The following FANCA variants were observed in gnomAD, a reference collection of about 807,000 sequenced individuals.
FANCA encodes Fanconi anemia group A protein.
A neutral mutation model predicts 194.3 loss-of-function variants in FANCA; 236 were observed. The observed-to-expected ratio is 1.21, with a 90% confidence interval of 1.09 to 1.35. The LOEUF is 1.35. FANCA is among the 40% of genes most tolerant of loss of function. The pLI, the probability that FANCA is intolerant of heterozygous loss-of-function variation, is 0.00. For synonymous variants in FANCA, 1,014 were observed against 715.8 expected, an observed-to-expected ratio of 1.42 and a Z score of -6.65; for missense variants, 2,628 against 1,813.9, an observed-to-expected ratio of 1.45 and a Z score of -8.15.
chr16:89,799,684 T>G, intron 8 of FANCA, 46 bp from the exon 9 acceptor site: 1 of 1,469,786 alleles, frequency 6.8e-7, no homozygotes. Context: ...TCTTCTGTAA[T>G]TTGTGTGATA....
intron 5 of FANCA, among the ~76,000 whole-genome samples, chr16:89,809,853 C>CAA (rs1288486504): frequency 7.8e-6 from 1 of 128,532 alleles, no homozygotes; most frequent in Non-Finnish European, 1.7e-5. Flanking sequence ...AACTCCATCT[C>CAA]AAAAAAAAAA....
At chr16:89,798,711 T>C in intron 10 of FANCA, 1 of 1,316,328 alleles carries the variant, frequency 7.6e-7, no homozygotes, top group Non-Finnish European at 9.8e-7. Context: ...GGCCAAGCTT[T>C]GCCTACTGGT....
rs183141281 is a variant in FANCA, at chr16:89,752,601, C to T, written c.2982-379G>A. ...AATATCATTAATCATTAGTTGGTAG[C>T]AATTACTTTTTATTCCAATATTATG... On this transcript the variant is annotated intron_variant, in intron 30 of 42. Coordinates refer to ENST00000389301, the MANE Select transcript of FANCA (RefSeq NM_000135.4). Among the ~76,000 whole-genome samples, 339 of 152,316 alleles carry T rather than the reference C, an allele frequency of 2.2e-3. 1 individual carries two copies. The highest frequency in any genetic ancestry group is 7.7e-3 in the African/African-American group (319 of 41,568).
intron 31 of FANCA, among the ~76,000 whole-genome samples, chr16:89,751,925 C>G (rs1007338593): frequency 1.3e-5 from 2 of 152,064 alleles, no homozygotes. Flanking sequence ...TGCCCGCCAC[C>G]ACGCCCGGCT....
At chr16:89,782,754 T>C (rs1260464687) in intron 17 of FANCA, 105 bp downstream of exon 17, 2 of 1,026,082 alleles carry the variant, frequency 1.9e-6, no homozygotes, top group African/African-American at 1.6e-5. Flanking sequence ...AGACCAGACA[T>C]GAGACTGGGA....
chr16:89,766,146 G>A (rs948163223), intron 27 of FANCA, among the ~76,000 whole-genome samples: 26 of 151,632 alleles, frequency 1.7e-4, no homozygotes, highest in South Asian at 2.1e-4. Context: ...ACAGGCGTGC[G>A]CCACCACGCC....
At chr16:89,807,398 G>C (rs565840021) in intron 6 of FANCA, among the ~76,000 whole-genome samples, 2 of 151,588 alleles carry the variant, frequency 1.3e-5, no homozygotes, top group Non-Finnish European at 2.9e-5. Context: ...AGGTTGCAGC[G>C]AGCCCAGATC....
intron 17 of FANCA, among the ~76,000 whole-genome samples, chr16:89,781,012 T>A (rs62052660): frequency 0.06 from 9,059 of 152,036 alleles, 417 homozygotes; most frequent in East Asian, 0.22. Flanking sequence ...AACACTTTAA[T>A]GTCACCTATA....
intron 6 of FANCA, among the ~76,000 whole-genome samples, chr16:89,808,054 T>A (rs1179423878): frequency 9.7e-6 from 1 of 103,470 alleles, no homozygotes; most frequent in Non-Finnish European, 1.9e-5. Context: ...CGAGACTCCG[T>A]CTCAAAAAAA....
intron 10 of FANCA, among the ~76,000 whole-genome samples, chr16:89,797,871 G>C (rs1291068702): frequency 6.6e-6 from 1 of 151,854 alleles, no homozygotes; most frequent in African/African-American, 2.4e-5. Flanking sequence ...CTCCAGCCTG[G>C]GCAACAAGAA....
rs372221924 is a variant in FANCA at position 89,762,059 on chromosome 16, C to T, written c.2779-37G>A. 4.2e-5 allele frequency: 63 copies of T among 1,496,612 alleles called. No individual in the cohort carries two copies. In the Middle Eastern group the frequency reaches 6.8e-4, roughly 16 times the overall value. 92.7% of individuals were successfully genotyped at this position (1,496,612 alleles called of 1,614,324 possible). On this transcript the variant is annotated intron_variant, in intron 28 of 42. Transcript: ENST00000389301. ...AGCAAGCAATTCAATACAATGAGGACAGAACACACAATCCACCGACAGGTT... is the reference window on the plus strand; with the variant it reads ...AGCAAGCAATTCAATACAATGAGGATAGAACACACAATCCACCGACAGGTT...
Position 89,779,924 on chromosome 16 carries a change from C to A in FANCA, c.1660G>T (p.Ala554Ser). ...HSQALQDVEK[A>S]IMVFEHTGNI... is the part of the protein sequence containing the mutation. ...CCCGTATGCTCAAACACCATGATGG[C>A]CTTTTCAACATCCTGAAGAGCTTGG... Residue 554 changes from alanine to serine, a missense_variant, in exon 18 of 43, where the codon GCC becomes TCC. By Grantham distance (99) the Ala-to-Ser change is moderately conservative (BLOSUM62 1). Transcript: ENST00000389301. 1 of 1,614,176 alleles carries A rather than the reference C, an allele frequency of 6.2e-7. No homozygotes were observed. The highest frequency in any genetic ancestry group is 8.5e-7 in the Non-Finnish European group (1 of 1,180,050).
intron 17 of FANCA, among the ~76,000 whole-genome samples, chr16:89,780,900 A>G (rs1318654819): frequency 6.6e-6 from 1 of 151,454 alleles, no homozygotes; most frequent in Non-Finnish European, 1.5e-5. Context: ...ACTATACTTC[A>G]GCCTGGTCAA....
Position 89,771,805 on chromosome 16 carries a change from G to A in FANCA, c.2024C>T (p.Ala675Val), listed in dbSNP as rs986889143. Reference sequence around the variant, plus strand: ...TCTTTCAGAAATCACTGCCACCTGTGCCGATATAACTGCGAAGGAAGAAAC... The same window carrying A: ...TCTTTCAGAAATCACTGCCACCTGTACCGATATAACTGCGAAGGAAGAAAC... ...TDPSQRDVISAQVAVISERLR... is the reference protein window; with the variant it reads ...TDPSQRDVISVQVAVISERLR... Residue 675 changes from alanine (A) to valine (V), a missense_variant, in exon 23 of 43, where the codon GCA becomes GTA. Transcript: ENST00000389301. 1.9e-6 allele frequency: 3 copies of A among 1,613,910 alleles called. No homozygotes were observed. The highest frequency in any genetic ancestry group is 1.3e-5 in the African/African-American group (1 of 75,022).
chr16:89,777,988 C>G (rs1043664352), intron 20 of FANCA, among the ~76,000 whole-genome samples: 2 of 151,866 alleles, frequency 1.3e-5, no homozygotes, highest in Non-Finnish European at 2.9e-5. Flanking sequence ...ATGGTGAAAC[C>G]CCGTCTCTAC....
chr16:89,814,750 G>A (rs556841831), intron 2 of FANCA, 137 bp from the exon 3 acceptor site: 6 of 663,148 alleles, frequency 9.0e-6, no homozygotes, highest in South Asian at 9.0e-5. Context: ...AGACCAGCCT[G>A]GCCAACATAG....
At position 89,737,588 on chromosome 16, in the gene FANCA, C is replaced by T; in HGVS notation, c.*1013G>A. 1 of 803,244 alleles carries T rather than the reference C, an allele frequency of 1.2e-6. No individual in the cohort carries two copies. Among genetic ancestry groups the T allele is most frequent in the Non-Finnish European group, 1.8e-6 (1 of 542,888 alleles). 49.8% of individuals were successfully genotyped at this position (803,244 alleles called of 1,614,324 possible). A position where few individuals can be genotyped will look rare whatever the true frequency, so the allele number is the denominator to read the frequency against. On this transcript the variant is annotated 3_prime_UTR_variant, in exon 43 of 43. Transcript: ENST00000389301. ...TTCTGAGGTTTCTTTAAAAACCATC[C>T]TGAAATGCACACAGCTGATGAAGCC...
Position 89,803,351 on chromosome 16 carries a change from C to T in FANCA, c.710-10G>A, listed in dbSNP as rs2040524006. 4 of 1,612,424 alleles carry T rather than the reference C, an allele frequency of 2.5e-6. No individual in the cohort carries two copies. In the South Asian group the frequency reaches 4.4e-5, roughly 18 times the overall value. ...AACATTTGAACAAAATCTGAAAAAC[C>T]ATAAAACCAAAGTTATTTATGGACA... On this transcript the variant is annotated splice_polypyrimidine_tract_variant and intron_variant, in intron 7 of 42. Transcript: ENST00000389301.
intron 14 of FANCA, among the ~76,000 whole-genome samples, chr16:89,790,312 T>G (rs868444551): frequency 4.0e-5 from 6 of 151,834 alleles, no homozygotes; most frequent in Admixed American, 6.6e-5. Context: ...GAGAATTGCT[T>G]GAACCCAGGA....
Sources: allele counts gnomAD v4.1 joint callset (sites outside exome capture counted in the v4.1 genomes callset), GRCh38; gene constraint gnomAD v4.1.1; transcripts MANE v1.5; gene names NCBI Gene and HGNC (gene_info 2026-07-23, HGNC 2026-07-21).